The following TTC7A variants were observed in gnomAD, a reference collection of about 807,000 sequenced individuals.
The protein encoded by TTC7A is tetratricopeptide repeat domain 7A.
In TTC7A, 110 loss-of-function variants were observed where a neutral mutation model predicts 103.7. The observed-to-expected ratio is 1.06, with a 90% CI of 0.91 to 1.24. The LOEUF is 1.24. Among genes scored for constraint, TTC7A ranks in the 50% most tolerant of loss-of-function variants. The pLI, the probability that TTC7A is intolerant of heterozygous loss-of-function variation, is 0.00. For missense variants in TTC7A, 1,340 were observed against 1,116.3 expected (o/e 1.20, Z -2.86); for synonymous variants, 521 against 467.9 (o/e 1.11, Z -1.47).
chr2:47,057,705 C>T (rs573371172), intron 18 of TTC7A, among the ~76,000 whole-genome samples: 7 of 152,316 alleles, frequency 4.6e-5, no homozygotes, highest in African/African-American at 1.2e-4. Flanking sequence ...TCTCCTCTCT[C>T]GTGACCCTGG....
At chr2:46,945,355 C>A (rs1164488488) in intron 1 of TTC7A, among the ~76,000 whole-genome samples, 2 of 151,944 alleles carry the variant, frequency 1.3e-5, no homozygotes, top group Non-Finnish European at 2.9e-5. Context: ...CGGGTTCAAG[C>A]GATTCTTCTG....
intron 1 of TTC7A, among the ~76,000 whole-genome samples, chr2:46,948,844 G>T (rs1402497865): frequency 2.6e-5 from 4 of 152,190 alleles, no homozygotes; most frequent in African/African-American, 7.2e-5. Flanking sequence ...CAGCCCTGTA[G>T]ATCTGAGAAC....
intron 19 of TTC7A, among the ~76,000 whole-genome samples, chr2:47,071,682 C>G (rs1684734284): frequency 6.6e-6 from 1 of 152,152 alleles, no homozygotes; most frequent in African/African-American, 2.4e-5. Context: ...AAGCCCTGAG[C>G]TTTTTCCTCC....
intron 15 of TTC7A, 36 bp from the exon 16 acceptor site, chr2:47,046,279 C>A: frequency 1.3e-6 from 2 of 1,557,992 alleles, no homozygotes; most frequent in African/African-American, 1.4e-5. Context: ...TGGGCCCTTG[C>A]TGGGGTGTGC....
chr2:47,029,283 C>T lies in TTC7A; in HGVS notation c.1701C>T (p.His567=), dbSNP rs375117959. ...TGAAGGTACGCAAGGATGATGCCCA[C>T]GCCCTCCACCTGCTGGCACTGCTCT... ...EALKVRKDDA[H]ALHLLALLFS... Residue 567 remains histidine, a synonymous_variant, in exon 15 of 20, where the codon CAC becomes CAT. Transcript: ENST00000319190. 9.3e-6 allele frequency: 15 copies of T among 1,614,044 alleles called. No homozygotes were observed. The highest frequency in any genetic ancestry group is 3.3e-5 in the South Asian group (3 of 91,088).
chr2:46,920,039 T>C (rs1302982227), intron 2 of TTC7A, among the ~76,000 whole-genome samples: 1 of 152,192 alleles, frequency 6.6e-6, no homozygotes, highest in Non-Finnish European at 1.5e-5. Context: ...TACTATAAAC[T>C]GGGGTGGTGA....
chr2:46,953,535 C>G (rs1439492974), intron 2 of TTC7A, among the ~76,000 whole-genome samples: 1 of 152,198 alleles, frequency 6.6e-6, no homozygotes, highest in Non-Finnish European at 1.5e-5. Flanking sequence ...GATGCAGTCT[C>G]AGGTGGATTC....
rs1382069325 is a variant in TTC7A, at chr2:47,053,859, C to T, written c.2152+1979C>T. 2.0e-5 allele frequency among the ~76,000 whole-genome samples: 3 copies of T among 152,206 alleles called. No individual in the cohort carries two copies. In the South Asian group the frequency reaches 6.2e-4, roughly 31 times the overall value. On this transcript the variant is annotated intron_variant, in intron 18 of 19. Transcript: ENST00000319190. ...AAAGTGCTGGGATTACAGGCGTGAG[C>T]CACTGCGCCCGGCCTGATTTGTCTT... is the stretch of plus-strand genomic sequence containing the variant.
chr2:47,063,403 A>T (rs1193651981), intron 19 of TTC7A, among the ~76,000 whole-genome samples: 3 of 152,234 alleles, frequency 2.0e-5, no homozygotes, highest in African/African-American at 7.2e-5. Context: ...AAGCAGTCAC[A>T]GCACCTTTTT....
chr2:46,988,983 G>C (rs766069079), intron 5 of TTC7A, among the ~76,000 whole-genome samples: 20 of 152,156 alleles, frequency 1.3e-4, no homozygotes, highest in Admixed American at 6.5e-4. Flanking sequence ...ACCACACATT[G>C]TGCTGGTACA....
intron 15 of TTC7A, chr2:47,034,206 T>C (rs74565349): frequency 0.016 from 2,455 of 152,338 alleles, 30 homozygotes; most frequent in South Asian, 0.033. Context: ...TGAAATCCTG[T>C]GGGCTTCTGA....
intron 5 of TTC7A, among the ~76,000 whole-genome samples, chr2:46,980,363 G>A (rs556745652): frequency 6.6e-6 from 1 of 151,982 alleles, no homozygotes; most frequent in South Asian, 2.1e-4. Context: ...GGGACAACAG[G>A]CATGCACCAT....
intron 18 of TTC7A, among the ~76,000 whole-genome samples, chr2:47,053,042 C>G (rs986547779): frequency 6.6e-6 from 1 of 152,192 alleles, no homozygotes; most frequent in African/African-American, 2.4e-5. Context: ...AGTACGCCCC[C>G]ACTCTCCCCA....
chr2:46,994,188 G>C, intron 6 of TTC7A, 169 bp from the exon 7 acceptor site: 1 of 711,546 alleles, frequency 1.4e-6, no homozygotes, highest in Non-Finnish European at 2.3e-6. Context: ...AGTGTTGGAG[G>C]GACTGAAGGA....
intron 3 of TTC7A, among the ~76,000 whole-genome samples, chr2:46,965,257 A>G (rs989600855): frequency 6.6e-6 from 1 of 152,226 alleles, no homozygotes. Flanking sequence ...AAAGAACACT[A>G]CGCTGCTTCC....
At chr2:46,941,125 G>C (rs1374041738), upstream of TTC7A, 3 of 148,126 alleles carry the variant, frequency 2.0e-5, no homozygotes, top group Non-Finnish European at 4.5e-5. This position sits in a 1 kb window ranked among gnomAD's most constrained non-coding sequence, Gnocchi z 4.2. Flanking sequence ...GGCAGCCAGC[G>C]AGCCCGGCTC....
upstream of TTC7A, among the ~76,000 whole-genome samples, chr2:46,938,525 A>G (rs1293016569): frequency 6.6e-6 from 1 of 152,196 alleles, no homozygotes; most frequent in Admixed American, 6.5e-5. Context: ...GAATGGAGTT[A>G]CCACATGACA....
chr2:47,026,085 G>GT (rs1327744202), intron 14 of TTC7A, among the ~76,000 whole-genome samples: 1 of 152,218 alleles, frequency 6.6e-6, no homozygotes, highest in Non-Finnish European at 1.5e-5. Context: ...CTAGGGCCCA[G>GT]TTTCCTTGGA....
intron 19 of TTC7A, among the ~76,000 whole-genome samples, chr2:47,063,616 T>C (rs926255436): frequency 6.6e-6 from 1 of 152,200 alleles, no homozygotes; most frequent in African/African-American, 2.4e-5. Context: ...AAGAGAGGAA[T>C]GTGGAAGGTA....
Sources: allele counts gnomAD v4.1 joint callset (sites outside exome capture counted in the v4.1 genomes callset), GRCh38; gene constraint gnomAD v4.1.1; non-coding constraint Gnocchi (gnomAD v3.1); transcripts MANE v1.5; gene names NCBI Gene and HGNC (gene_info 2026-07-23, HGNC 2026-07-21).